FAM187A: variants seen among roughly 807,000 people sequenced by gnomAD.
FAM187A encodes Ig-like V-type domain-containing protein FAM187A.
Under a neutral mutation model 6.4 loss-of-function variants are expected in FAM187A, and 4 were observed. That is an observed-to-expected ratio of 0.63 (90% CI 0.31 to 1.44). The LOEUF is 1.44. Ranked by LOEUF, FAM187A falls within the 40% of genes most tolerant of loss-of-function variation. The probability of loss-of-function intolerance (pLI) is 0.07; values close to 1 mark genes in which losing one functional copy is unlikely to be tolerated. For missense variants in FAM187A, 463 were observed against 542.2 expected, an observed-to-expected ratio of 0.85 and a Z score of 1.45; for synonymous variants, 221 against 213.4, an observed-to-expected ratio of 1.04 and a Z score of -0.31.
chr17:44,903,493 C>G (rs973266967), exon 4 of FAM187A: 6 of 1,274,850 alleles, frequency 4.7e-6, no homozygotes, highest in African/African-American at 4.6e-5. Flanking sequence ...TCTCCCTGCC[C>G]GAGCACCTCG....
chr17:44,905,058 G>C (rs1404628567), exon 4 of FAM187A: 1 of 1,542,746 alleles, frequency 6.5e-7, no homozygotes, highest in Non-Finnish European at 8.8e-7. Context: ...TGTTGTCCCA[G>C]CTTCTCCCCC....
chr17:44,903,577 G>A (rs1567766112), exon 4 of FAM187A: 2 of 1,394,434 alleles, frequency 1.4e-6, no homozygotes, highest in Non-Finnish European at 1.8e-6. Flanking sequence ...GGGGAGTAAA[G>A]GCCAGGTTCT....
exon 4 of FAM187A, chr17:44,905,068 C>A: frequency 6.5e-7 from 1 of 1,535,168 alleles, no homozygotes; most frequent in South Asian, 1.2e-5. Context: ...GCTTCTCCCC[C>A]TAGGAGCTCT....
At chr17:44,904,958 G>T in exon 4 of FAM187A, 1 of 1,550,700 alleles carries the variant, frequency 6.4e-7, no homozygotes, top group South Asian at 1.2e-5. Flanking sequence ...GACTCGCTCG[G>T]CTGTGGAGCT....
chr17:44,904,597 C>G (rs2145619947), exon 4 of FAM187A: 3 of 1,550,594 alleles, frequency 1.9e-6, no homozygotes, highest in Non-Finnish European at 1.7e-6. Flanking sequence ...TGCTGGCCAT[C>G]ATTAACTATG....
exon 4 of FAM187A, chr17:44,905,009 A>G: frequency 6.4e-7 from 1 of 1,550,662 alleles, no homozygotes; most frequent in Non-Finnish European, 8.7e-7. Context: ...AGTCTTTGTC[A>G]CCATTCACTT....
chr17:44,904,982 T>C, exon 4 of FAM187A: 1 of 1,550,812 alleles, frequency 6.4e-7, no homozygotes, highest in Non-Finnish European at 8.7e-7. Context: ...CCTGATAGGC[T>C]ACCTGCTCAT....
chr17:44,905,182 C>T, exon 4 of FAM187A: 1 of 819,690 alleles, frequency 1.2e-6, no homozygotes, highest in Non-Finnish European at 1.9e-6. Context: ...AACATGTGGA[C>T]AAATCTGTTA....
exon 4 of FAM187A, chr17:44,904,359 C>T (rs1281410502): frequency 1.3e-6 from 2 of 1,543,958 alleles, no homozygotes; most frequent in Non-Finnish European, 1.8e-6. Context: ...GAATGGACCC[C>T]CTGTGACCGC....
exon 4 of FAM187A, chr17:44,904,826 C>A (rs752042929): frequency 6.4e-7 from 1 of 1,550,672 alleles, no homozygotes; most frequent in African/African-American, 1.4e-5. Flanking sequence ...GCTCCACATC[C>A]GCTTCACCCA....
At chr17:44,904,693 C>T (rs2051624488) in exon 4 of FAM187A, 4 of 1,550,612 alleles carry the variant, frequency 2.6e-6, no homozygotes, top group Non-Finnish European at 3.5e-6. Context: ...TCATCATCTC[C>T]TGTCCTGGGG....
chr17:44,905,234 C>T, exon 4 of FAM187A: 1 of 631,940 alleles, frequency 1.6e-6, no homozygotes, highest in Non-Finnish European at 2.8e-6. Context: ...GGGACCTGAT[C>T]TGAGAAGTGG....
At chr17:44,903,523 G>A in exon 4 of FAM187A, 2 of 1,286,758 alleles carry the variant, frequency 1.6e-6, no homozygotes, top group Non-Finnish European at 9.8e-7. Context: ...TCTCATTCCG[G>A]TTTCCTTTGA....
In FAM187A at chr17:44,903,791, G is replaced by A. The variant is rs752455206; in HGVS notation, c.-39G>A. The A allele has an allele frequency of 2.0e-6, 3 of 1,521,872 alleles. No homozygotes were observed. The South Asian group carries it at 3.8e-5, about 19-fold the overall frequency. 94.3% of individuals were successfully genotyped at this position (1,521,872 alleles called of 1,614,324 possible). A position where few individuals can be genotyped will look rare whatever the true frequency, so the allele number is the denominator to read the frequency against. ...GAGCCCTATGAGCCTTTAATGCCCTGGTTTTGCCCTGCCCCTCTGACCCCT... is the reference window on the plus strand; with the variant it reads ...GAGCCCTATGAGCCTTTAATGCCCTAGTTTTGCCCTGCCCCTCTGACCCCT... On this transcript the variant is annotated 5_prime_UTR_variant, in exon 4 of 4. It introduces an in-frame stop codon into an upstream open reading frame of the 5' UTR. Transcript: ENST00000331733.
chr17:44,904,888 T>G, exon 4 of FAM187A: 1 of 1,550,604 alleles, frequency 6.4e-7, no homozygotes, highest in Non-Finnish European at 8.7e-7. Context: ...TGCTAGTTGC[T>G]GGCTTCCGGC....
exon 4 of FAM187A, chr17:44,903,979 G>T: frequency 1.3e-6 from 2 of 1,550,644 alleles, no homozygotes; most frequent in Non-Finnish European, 1.7e-6. Context: ...TGAGCTTTGA[G>T]CTTCCCTGTC....
At chr17:44,904,149 T>C (rs190269518) in exon 4 of FAM187A, 9 of 1,550,354 alleles carry the variant, frequency 5.8e-6, no homozygotes, top group African/African-American at 2.7e-5. Flanking sequence ...AGCATCCGCA[T>C]GTTCAGCTTG....
chr17:44,904,961 G>A lies in FAM187A; in HGVS notation c.1132G>A (p.Val378Met), dbSNP rs750523663. 1.9e-5 allele frequency: 29 copies of A among 1,550,748 alleles called. No homozygotes were observed. The South Asian group carries it at 2.9e-4, about 15-fold the overall frequency. Reference sequence around the variant, plus strand: ...CTCAGATCCTGAGACTCGCTCGGCTGTGGAGCTCACCCTGATAGGCTACCT... The same window carrying A: ...CTCAGATCCTGAGACTCGCTCGGCTATGGAGCTCACCCTGATAGGCTACCT... The change falls in exon 4 of 4, where the codon GTG (valine) becomes ATG (methionine). Residue 378 changes from valine to methionine, a missense_variant. Val to Met is a conservative substitution (Grantham distance 21). Coordinates refer to ENST00000331733, the Ensembl canonical transcript of FAM187A.
chr17:44,905,197 C>T (rs2145621881), exon 4 of FAM187A: 1 of 740,578 alleles, frequency 1.4e-6, no homozygotes, highest in Non-Finnish European at 2.2e-6. Flanking sequence ...CTGTTACAGC[C>T]TGCTCCCCAT....
Sources: gnomAD v4.1 joint callset for allele counts on GRCh38, gnomAD v4.1.1 for gene constraint, MANE v1.5 for transcripts, NCBI Gene and HGNC (gene_info 2026-07-23, HGNC 2026-07-21) for gene names.